The following TMEM74 variants were observed in gnomAD, a reference collection of about 807,000 sequenced individuals.
The protein encoded by TMEM74 is transmembrane protein 74.
In TMEM74, 13 loss-of-function variants were observed where a neutral mutation model predicts 18.1. That is an observed-to-expected ratio of 0.72 (90% CI 0.47 to 1.14). TMEM74 has a LOEUF of 1.14. Among genes scored for constraint, TMEM74 ranks in the 50% most tolerant of loss-of-function variants. The pLI, the probability that TMEM74 is intolerant of heterozygous loss-of-function variation, is 0.00. For missense variants in TMEM74, 372 were observed against 375.9 expected (o/e 0.99, Z 0.09); for synonymous variants, 159 against 146.6 (o/e 1.08, Z -0.61).
chr8:108,674,789 G>T (rs1813037203), intron 1 of TMEM74, among the ~76,000 whole-genome samples: 1 of 152,178 alleles, frequency 6.6e-6, no homozygotes, highest in Non-Finnish European at 1.5e-5. Context: ...TATGTGAATT[G>T]TCCTCCGTAG....
intron 1 of TMEM74, among the ~76,000 whole-genome samples, chr8:108,718,658 G>A (rs563020713): frequency 7.2e-5 from 11 of 152,230 alleles, no homozygotes; most frequent in African/African-American, 2.4e-4. Context: ...ACTGTGAGAG[G>A]TGCTCTGTGT....
intron 2 of TMEM74, among the ~76,000 whole-genome samples, chr8:108,653,470 T>C (rs1812793639): frequency 6.6e-6 from 1 of 152,140 alleles, no homozygotes; most frequent in African/African-American, 2.4e-5. Flanking sequence ...TTTGTACTCT[T>C]TTTTATCTCC....
chr8:108,708,961 A>G (rs533183763), intron 1 of TMEM74, among the ~76,000 whole-genome samples: 21 of 152,324 alleles, frequency 1.4e-4, no homozygotes, highest in African/African-American at 5.1e-4. Flanking sequence ...TAAAAATGCA[A>G]ATCAAAACTA....
rs1298552952 is a variant in TMEM74, at chr8:108,626,161, C to A, written n.265-17335G>T. Among the ~76,000 whole-genome samples the A allele has an allele frequency of 1.1e-4, 17 of 152,138 alleles. No individual in the cohort carries two copies. The South Asian group carries it at 3.5e-3, about 32-fold the overall frequency. ...GTCCACTATTCTATTGTTTGTATTA[C>A]AACTATTTTCTACATTATTTACATT... On this transcript the variant is annotated intron_variant and non_coding_transcript_variant, in intron 2 of 3. Transcript: ENST00000518838.
Position 108,784,375 on chromosome 8 carries a change from C to T in TMEM74, c.724G>A (p.Gly242Arg). The T allele has an allele frequency of 5.0e-6, 8 of 1,614,080 alleles. No homozygotes were observed. The highest frequency in any genetic ancestry group is 6.8e-6 in the Non-Finnish European group (8 of 1,180,026). ...AACAAGCAGGACAGGATGACGCCCC[C>T]CAGCGTGAGGAGGCAGAGCCCCGCA... ...VIAGLCLLTLGGVILSCLLMM... is the reference protein window; with the variant it reads ...VIAGLCLLTLRGVILSCLLMM... The change falls in exon 2 of 2, where the codon GGG becomes AGG. Residue 242 changes from glycine (G) to arginine (R), a missense_variant. Physicochemically the swap from Gly to Arg is moderately radical, Grantham distance 125. Coordinates refer to ENST00000297459, the MANE Select transcript of TMEM74 (RefSeq NM_153015.3).
chr8:108,630,167 A>G (rs1812536437), intron 2 of TMEM74, among the ~76,000 whole-genome samples: 1 of 152,104 alleles, frequency 6.6e-6, no homozygotes, highest in Admixed American at 6.6e-5. Flanking sequence ...AAAGCAAAAA[A>G]AAAGCAGGGG....
chr8:108,735,390 G>A (rs991597991), intron 1 of TMEM74, among the ~76,000 whole-genome samples: 4 of 147,786 alleles, frequency 2.7e-5, no homozygotes, highest in African/African-American at 1.0e-4. Context: ...TCAGCCCTGA[G>A]CATCTAATAA....
intron 1 of TMEM74, among the ~76,000 whole-genome samples, chr8:108,765,735 C>G (rs1172499727): frequency 1.3e-5 from 2 of 152,034 alleles, no homozygotes; most frequent in South Asian, 4.1e-4. Context: ...ACGTTAATAA[C>G]AGCTCAAGAT....
intron 1 of TMEM74, among the ~76,000 whole-genome samples, chr8:108,733,117 G>A (rs1813711883): frequency 1.3e-5 from 2 of 152,048 alleles, no homozygotes; most frequent in Admixed American, 6.6e-5. Flanking sequence ...AGTTAAATAT[G>A]TATGTACCCT....
intron 1 of TMEM74, among the ~76,000 whole-genome samples, chr8:108,660,361 G>A (rs1237315288): frequency 1.3e-5 from 2 of 152,166 alleles, no homozygotes; most frequent in Non-Finnish European, 2.9e-5. Flanking sequence ...GGGCCCAGAT[G>A]GGCCATTGTT....
chr8:108,717,322 G>A (rs1053509800), intron 1 of TMEM74, among the ~76,000 whole-genome samples: 1 of 152,062 alleles, frequency 6.6e-6, no homozygotes, highest in Admixed American at 6.5e-5. Flanking sequence ...CATTTCAATA[G>A]ATGAATTTTA....
At chr8:108,761,139 T>C (rs1814039092) in intron 1 of TMEM74, among the ~76,000 whole-genome samples, 1 of 152,092 alleles carries the variant, frequency 6.6e-6, no homozygotes, top group Admixed American at 6.6e-5. Context: ...ACATCACCAG[T>C]ATAACTGAAA....
chr8:108,641,309 A>G (rs1006480844), intron 2 of TMEM74, among the ~76,000 whole-genome samples: 9 of 152,190 alleles, frequency 5.9e-5, no homozygotes, highest in African/African-American at 2.2e-4. Flanking sequence ...AAAAATACAA[A>G]GAAAAATAAC....
intron 1 of TMEM74, among the ~76,000 whole-genome samples, chr8:108,684,185 C>T (rs1295261118): frequency 1.3e-5 from 2 of 151,960 alleles, no homozygotes; most frequent in Non-Finnish European, 2.9e-5. Flanking sequence ...TCATACTGGT[C>T]CTTATAGTGG....
At chr8:108,635,914 G>A (rs1291876255) in intron 2 of TMEM74, among the ~76,000 whole-genome samples, 3 of 152,056 alleles carry the variant, frequency 2.0e-5, no homozygotes. Flanking sequence ...AATGGACAGA[G>A]TGGCTAATTT....
At chr8:108,771,877 T>A (rs761944543) in intron 1 of TMEM74, among the ~76,000 whole-genome samples, 14 of 152,146 alleles carry the variant, frequency 9.2e-5, no homozygotes, top group Non-Finnish European at 1.5e-4. Context: ...TACATACTGT[T>A]AAGTTATGTT....
At chr8:108,641,172 T>A (rs1339736584) in intron 2 of TMEM74, among the ~76,000 whole-genome samples, 1 of 152,150 alleles carries the variant, frequency 6.6e-6, no homozygotes, top group East Asian at 1.9e-4. Flanking sequence ...AGAAGGTAAG[T>A]AGCTATTTGT....
chr8:108,710,943 C>G (rs1046828845), intron 1 of TMEM74, among the ~76,000 whole-genome samples: 2 of 152,156 alleles, frequency 1.3e-5, no homozygotes, highest in African/African-American at 4.8e-5. Flanking sequence ...TGATAACAAG[C>G]GGAGTTATAT....
At chr8:108,733,744 A>G (rs973742461) in intron 1 of TMEM74, among the ~76,000 whole-genome samples, 1 of 152,170 alleles carries the variant, frequency 6.6e-6, no homozygotes, top group Non-Finnish European at 1.5e-5. Flanking sequence ...AAAACAAGGG[A>G]ATTTGTTGAA....
Sources: gnomAD v4.1 joint callset for allele counts (sites outside exome capture counted in the v4.1 genomes callset) on GRCh38, gnomAD v4.1.1 for gene constraint, MANE v1.5 for transcripts, NCBI Gene and HGNC (gene_info 2026-07-23, HGNC 2026-07-21) for gene names.